The following MT1F variants were observed in gnomAD, a reference collection of about 807,000 sequenced individuals.
MT1F encodes metallothionein 1F.
A neutral mutation model predicts 5.4 loss-of-function variants in MT1F; 6 were observed. That is an observed-to-expected ratio of 1.11 (90% CI 0.61 to 2.19). The LOEUF is 2.19. Among genes scored for constraint, MT1F ranks in the 30% most tolerant of loss-of-function variants. The pLI is 0.00. For missense variants in MT1F, 82 were observed against 77.0 expected, an observed-to-expected ratio of 1.07 and a Z score of -0.24; for synonymous variants, 28 against 28.3, an observed-to-expected ratio of 0.99 and a Z score of 0.04.
rs774189113 is a variant in MT1F, at chr16:56,658,744, A to AG, written c.94+5dup. 4 of 1,614,014 alleles carry AG rather than the reference A, an allele frequency of 2.5e-6. No homozygotes were observed. The highest frequency in any genetic ancestry group is 3.4e-6 in the Non-Finnish European group (4 of 1,180,008). On this transcript the variant is annotated splice_donor_region_variant and intron_variant, in intron 2 of 2. Coordinates refer to ENST00000334350, the MANE Select transcript of MT1F (RefSeq NM_005949.4). ...AAATGCACCTCCTGCAAGAAGAGTG[A>AG]GTGTGAGGCCATCTCCATGGTCTGG...
At chr16:56,658,648 A>T (rs1456640935) in intron 1 of MT1F, 27 bp from the exon 2 acceptor site, 1 of 1,613,710 alleles carries the variant, frequency 6.2e-7, no homozygotes, top group African/African-American at 1.3e-5. Context: ...CTCGCCGCTC[A>T]CTGGCTTTTT....
At position 56,658,659 on chromosome 16, in the gene MT1F, T is replaced by C. The variant is rs1189880807; in HGVS notation, c.29-16T>C. On this transcript the variant is annotated splice_polypyrimidine_tract_variant and intron_variant, in intron 1 of 2. Coordinates refer to ENST00000334350, the MANE Select transcript of MT1F (RefSeq NM_005949.4). Reference sequence around the variant, plus strand: ...GTCACTCGCCGCTCACTGGCTTTTTTTTCTCTTTCTCGCAGGTGTCTCCTG... The same window carrying C: ...GTCACTCGCCGCTCACTGGCTTTTTCTTCTCTTTCTCGCAGGTGTCTCCTG... The C allele has an allele frequency of 6.2e-7, 1 of 1,614,170 alleles. No individual in the cohort carries two copies. Among genetic ancestry groups the C allele is most frequent in the South Asian group, 1.1e-5 (1 of 91,090 alleles).
At chr16:56,658,917 A>G in intron 2 of MT1F, 156 bp from the exon 3 acceptor site, 1 of 1,051,950 alleles carries the variant, frequency 9.5e-7, no homozygotes, top group Non-Finnish European at 1.5e-6. Context: ...TCATAGGAAG[A>G]CCCACCCCAG....
At chr16:56,658,553 G>A in intron 1 of MT1F, 122 bp from the exon 2 acceptor site, 1 of 982,988 alleles carries the variant, frequency 1.0e-6, no homozygotes, top group Non-Finnish European at 1.6e-6. Flanking sequence ...TGCTCTGAGT[G>A]GGAAAGGAGC....
At position 56,658,753 on chromosome 16, in the gene MT1F, C is replaced by T. The variant is rs773745021; in HGVS notation, c.94+13C>T. ...TCCTGCAAGAAGAGTGAGTGTGAGG[C>T]CATCTCCATGGTCTGGGGCTGTGGC... On this transcript the variant is annotated intron_variant, in intron 2 of 2. Coordinates refer to ENST00000334350, the MANE Select transcript of MT1F (RefSeq NM_005949.4). The T allele has an allele frequency of 9.9e-6, 16 of 1,614,048 alleles. No homozygotes were observed. Among genetic ancestry groups the T allele is most frequent in the Non-Finnish European group, 1.4e-5 (16 of 1,179,980 alleles).
At chr16:56,658,611 A>T in intron 1 of MT1F, 64 bp from the exon 2 acceptor site, 1 of 1,548,280 alleles carries the variant, frequency 6.5e-7, no homozygotes, top group Non-Finnish European at 8.9e-7. Context: ...AGACTCATTA[A>T]CTCACTGCTG....
intron 2 of MT1F, 151 bp downstream of exon 2, chr16:56,658,891 C>G: frequency 8.6e-7 from 1 of 1,158,024 alleles, no homozygotes. Context: ...CTGTGCAGGG[C>G]GCCTGGGCAG....
intron 2 of MT1F, 113 bp from the exon 3 acceptor site, chr16:56,658,960 C>G: frequency 9.1e-7 from 1 of 1,097,280 alleles, no homozygotes; most frequent in Non-Finnish European, 1.4e-6. Context: ...CAAAGCCATA[C>G]CCTCCTGAAC....
chr16:56,659,024 G>A, intron 2 of MT1F, 49 bp from the exon 3 acceptor site: 1 of 1,541,628 alleles, frequency 6.5e-7, no homozygotes, highest in Non-Finnish European at 9.0e-7. Context: ...GGGGAGGGAG[G>A]TCCCTGGGCA....
At position 56,659,195 on chromosome 16, in the gene MT1F, CA is replaced by C; in HGVS notation, c.*32del. The C allele has an allele frequency of 6.2e-7, 1 of 1,609,738 alleles. No homozygotes were observed. The highest frequency in any genetic ancestry group is 8.5e-7 in the Non-Finnish European group (1 of 1,176,542). ...GGACAACCTTTCTCCCAGATGTAAA[CA>C]GAGAGACATGTACAAACCTGGATTT... is the stretch of plus-strand genomic sequence containing the variant. On this transcript the variant is annotated 3_prime_UTR_variant, in exon 3 of 3. Coordinates refer to ENST00000334350, the MANE Select transcript of MT1F (RefSeq NM_005949.4).
intron 2 of MT1F, 152 bp downstream of exon 2, chr16:56,658,892 G>T (rs549352413): frequency 3.5e-6 from 4 of 1,139,748 alleles, no homozygotes; most frequent in Non-Finnish European, 5.3e-6. Flanking sequence ...TGTGCAGGGC[G>T]CCTGGGCAGC....
At chr16:56,658,386 G>C in intron 1 of MT1F, 1 of 588,950 alleles carries the variant, frequency 1.7e-6, no homozygotes, top group Non-Finnish European at 3.0e-6. Context: ...TTAGATAGGA[G>C]GCAGGGGACA....
At chr16:56,658,271 C>A (rs2144339116) in intron 1 of MT1F, 185 bp downstream of exon 1, 1 of 680,400 alleles carries the variant, frequency 1.5e-6, no homozygotes, top group Non-Finnish European at 2.5e-6. Context: ...TCTGTGTCAG[C>A]GTTGAGGGTA....
intron 2 of MT1F, 108 bp downstream of exon 2, chr16:56,658,848 C>A (rs974839475): frequency 7.0e-7 from 1 of 1,423,522 alleles, no homozygotes; most frequent in Admixed American, 1.7e-5. Context: ...CCTTTGTCCC[C>A]GTAGGTTGTC....
chr16:56,658,210 G>A (rs113822742), intron 1 of MT1F, 124 bp downstream of exon 1: 4 of 1,101,638 alleles, frequency 3.6e-6, no homozygotes, highest in Non-Finnish European at 4.0e-6. Flanking sequence ...ACTTAGTCCA[G>A]TGCTTTCCTC....
intron 2 of MT1F, 75 bp from the exon 3 acceptor site, chr16:56,658,998 G>A (rs1217307368): frequency 2.2e-6 from 3 of 1,336,904 alleles, no homozygotes; most frequent in East Asian, 4.6e-5. Context: ...TGGAGGCTCT[G>A]TTGGGGGCCT....
Position 56,658,400 on chromosome 16 carries a change from C to T in MT1F, c.29-275C>T, listed in dbSNP as rs533256403. 50 of 589,470 alleles carry T rather than the reference C, an allele frequency of 8.5e-5. 2 individuals carry two copies. In the South Asian group the frequency reaches 1.0e-3, roughly 12 times the overall value. 36.5% of individuals were successfully genotyped at this position (589,470 alleles called of 1,614,324 possible). ...ATTAGATAGGAGGCAGGGGACATTG[C>T]CTCTTCGGGGTTCAGGACAGAAAGT... On this transcript the variant is annotated intron_variant, in intron 1 of 2. Coordinates refer to ENST00000334350, the MANE Select transcript of MT1F (RefSeq NM_005949.4).
chr16:56,658,858 C>A, intron 2 of MT1F, 118 bp downstream of exon 2: 1 of 1,346,320 alleles, frequency 7.4e-7, no homozygotes, highest in Admixed American at 1.8e-5. Context: ...CGTAGGTTGT[C>A]ACTGCCTTTC....
At chr16:56,659,040 G>A in intron 2 of MT1F, 33 bp from the exon 3 acceptor site, 1 of 1,595,674 alleles carries the variant, frequency 6.3e-7, no homozygotes, top group Non-Finnish European at 8.6e-7. Flanking sequence ...GGGCAAGTTG[G>A]CTGTGACCTC....
Sources: allele counts gnomAD v4.1 joint callset, GRCh38; gene constraint gnomAD v4.1.1; transcripts MANE v1.5; gene names NCBI Gene and HGNC (gene_info 2026-07-23, HGNC 2026-07-21).